The following LAMA4 variants were observed in gnomAD, a reference collection of about 807,000 sequenced individuals.
LAMA4 encodes laminin subunit alpha-4.
Under a neutral mutation model 207.1 loss-of-function variants are expected in LAMA4, and 127 were observed. The observed-to-expected ratio is 0.61, with a 90% CI of 0.53 to 0.71. The LOEUF (loss-of-function observed/expected upper bound fraction) is 0.71. Among genes scored for constraint, LAMA4 ranks in the 30% least tolerant of loss-of-function variants. The pLI, the probability that LAMA4 is intolerant of heterozygous loss-of-function variation, is 0.00. For synonymous variants in LAMA4, 761 were observed against 816.0 expected, an observed-to-expected ratio of 0.93 and a Z score of 1.15; for missense variants, 2,093 against 2,246.5, an observed-to-expected ratio of 0.93 and a Z score of 1.38.
At chr6:112,134,040 T>C (rs1277323799) in intron 26 of LAMA4, among the ~76,000 whole-genome samples, 1 of 152,218 alleles carries the variant, frequency 6.6e-6, no homozygotes, top group Admixed American at 6.6e-5. Context: ...AGTGTCTTAA[T>C]GTTTCATTAT....
intron 9 of LAMA4, among the ~76,000 whole-genome samples, chr6:112,184,336 A>T (rs1482858729): frequency 1.3e-5 from 2 of 152,012 alleles, no homozygotes; most frequent in Non-Finnish European, 2.9e-5. Context: ...AAAAAAAAAA[A>T]AAACTGTGTT....
At chr6:112,139,352 A>C in intron 23 of LAMA4, 61 bp from the exon 24 acceptor site, 2 of 1,568,102 alleles carry the variant, frequency 1.3e-6, no homozygotes. Context: ...TTTCAAGTGA[A>C]GCCCTTTTAA....
chr6:112,236,128 CTT>C (rs1785902196), intron 2 of LAMA4: 1 of 152,176 alleles, frequency 6.6e-6, no homozygotes, highest in Non-Finnish European at 1.5e-5. Flanking sequence ...AGCCAGGAAA[CTT>C]GGTTGTGGTT....
chr6:112,169,498 T>C (rs1234895319), intron 12 of LAMA4, among the ~76,000 whole-genome samples: 1 of 152,162 alleles, frequency 6.6e-6, no homozygotes, highest in African/African-American at 2.4e-5. Flanking sequence ...AATAAATCCC[T>C]TTTAAGGACT....
At chr6:112,195,969 C>T (rs1389063888) in intron 5 of LAMA4, among the ~76,000 whole-genome samples, 2 of 97,566 alleles carry the variant, frequency 2.0e-5, no homozygotes, top group Non-Finnish European at 3.9e-5. Context: ...ACACACACTA[C>T]ACACACTGCT....
intron 6 of LAMA4, among the ~76,000 whole-genome samples, chr6:112,189,616 C>T (rs2072029): frequency 0.26 from 39,763 of 151,974 alleles, 7,686 homozygotes; most frequent in African/African-American, 0.54. Flanking sequence ...TAATTTAACT[C>T]GGGGGTTGAT....
At chr6:112,249,520 T>C (rs1554189315) in intron 2 of LAMA4, among the ~76,000 whole-genome samples, 3 of 149,614 alleles carry the variant, frequency 2.0e-5, no homozygotes, top group Non-Finnish European at 3.0e-5. Context: ...TCTATTTACC[T>C]AATCACCTCT....
intron 31 of LAMA4, among the ~76,000 whole-genome samples, chr6:112,122,408 C>T (rs1778416699): frequency 6.6e-6 from 1 of 152,166 alleles, no homozygotes; most frequent in Admixed American, 6.5e-5. Flanking sequence ...AACAACATAG[C>T]ATGTTAACTA....
At chr6:112,205,088 T>G (rs896270004) in intron 4 of LAMA4, among the ~76,000 whole-genome samples, 1 of 152,204 alleles carries the variant, frequency 6.6e-6, no homozygotes, top group Non-Finnish European at 1.5e-5. Context: ...TAGTAAGCAT[T>G]CAGATTTTAA....
chr6:112,233,969 A>G (rs1785721877), intron 2 of LAMA4, among the ~76,000 whole-genome samples: 1 of 152,124 alleles, frequency 6.6e-6, no homozygotes, highest in Non-Finnish European at 1.5e-5. Flanking sequence ...TGTAGATAAT[A>G]TTGGAGGCTT....
rs727504935 is a variant in LAMA4, at chr6:112,148,295, C to G, written c.2215G>C (p.Glu739Gln). 2 of 1,614,168 alleles carry G rather than the reference C, an allele frequency of 1.2e-6. No homozygotes were observed. The highest frequency in any genetic ancestry group is 1.7e-6 in the Non-Finnish European group (2 of 1,180,020). The change falls in exon 18 of 39, where the codon GAG becomes CAG. Residue 739 changes from glutamate to glutamine, a missense_variant. Physicochemically the swap from Glu to Gln is conservative, Grantham distance 29. Around this residue, in one of 3 missense-constraint regions of LAMA4, gnomAD observed 1,704 missense variants for 1,788.4 expected, o/e 0.95. Transcript: ENST00000230538. Reference sequence around the variant, plus strand: ...TCCATCGTCGTCCTGTTGGCTTCCTCGGTGATCAGTCTAGACTGCCCCAGG... The same window carrying G: ...TCCATCGTCGTCCTGTTGGCTTCCTGGGTGATCAGTCTAGACTGCCCCAGG... ...QRLGQSRLIT[E>Q]EANRTTMEVQ...
chr6:112,221,531 C>G (rs1554360615), intron 2 of LAMA4, among the ~76,000 whole-genome samples: 1 of 152,190 alleles, frequency 6.6e-6, no homozygotes, highest in African/African-American at 2.4e-5. Context: ...TCAAATTTAA[C>G]AGCCCACATT....
intron 10 of LAMA4, 141 bp from the exon 11 acceptor site, chr6:112,175,621 T>A: frequency 1.2e-6 from 1 of 815,080 alleles, no homozygotes; most frequent in Non-Finnish European, 2.1e-6. Context: ...AGCGTGCTAG[T>A]GTTCATGCTG....
In LAMA4 at chr6:112,172,610, C is replaced by A; in HGVS notation, c.1551+1G>T. ...GCATTGATGGTGAGTGTCCGCTGTA[C>A]CTCATGGTCCCGCTGCCTGGCTGCT... On this transcript the variant is annotated splice_donor_variant, in intron 12 of 38. Transcript: ENST00000230538. LOFTEE classifies it high-confidence loss of function. 6.2e-7 allele frequency: 1 copy of A among 1,612,522 alleles called. No homozygotes were observed. The highest frequency in any genetic ancestry group is 8.5e-7 in the Non-Finnish European group (1 of 1,179,882).
At chr6:112,116,422 G>A (rs1778021907) in intron 35 of LAMA4, among the ~76,000 whole-genome samples, 1 of 152,178 alleles carries the variant, frequency 6.6e-6, no homozygotes, top group African/African-American at 2.4e-5. Flanking sequence ...GGGAGAAGGA[G>A]GCATGGTGAG....
chr6:112,191,341 G>A (rs1162346956), intron 6 of LAMA4, among the ~76,000 whole-genome samples: 6 of 152,018 alleles, frequency 3.9e-5, no homozygotes, highest in Admixed American at 2.0e-4. Flanking sequence ...ATAGAAGTCC[G>A]ATTTATTTCT....
chr6:112,178,519 C>T (rs1194747940), intron 9 of LAMA4: 11 of 403,530 alleles, frequency 2.7e-5, no homozygotes, highest in Non-Finnish European at 4.6e-5. Context: ...CTTTGGTGCA[C>T]CCATCACCCG....
At chr6:112,231,976 C>A (rs139219551) in intron 2 of LAMA4, among the ~76,000 whole-genome samples, 2 of 152,092 alleles carry the variant, frequency 1.3e-5, no homozygotes, top group Non-Finnish European at 2.9e-5. Context: ...TAATGAAATT[C>A]GACTCCAAGT....
At chr6:112,153,283 T>C (rs1753533253) in intron 16 of LAMA4, among the ~76,000 whole-genome samples, 1 of 152,136 alleles carries the variant, frequency 6.6e-6, no homozygotes, top group African/African-American at 2.4e-5. Context: ...TTTGAAAACC[T>C]GAATGTACAT....
Sources: allele counts gnomAD v4.1 joint callset (sites outside exome capture counted in the v4.1 genomes callset), GRCh38; gene constraint gnomAD v4.1.1; regional missense constraint gnomAD v4.1.1; transcripts MANE v1.5; gene names NCBI Gene and HGNC (gene_info 2026-07-23, HGNC 2026-07-21).